Variants in AGAP1 observed in about 807,000 individuals in gnomAD.
AGAP1 encodes the protein arf-GAP with GTPase, ANK repeat and PH domain-containing protein 1.
Under a neutral mutation model 105.3 loss-of-function variants are expected in AGAP1, and 29 were observed. The ratio of observed to expected loss-of-function variants is 0.28; its 90% confidence interval spans 0.21 to 0.38. AGAP1 has a LOEUF of 0.38. Ranked by LOEUF, AGAP1 falls within the 10% of genes least tolerant of loss-of-function variation. The pLI, the probability that AGAP1 is intolerant of heterozygous loss-of-function variation, is 1.00. For synonymous variants in AGAP1, 509 were observed against 485.9 expected, an observed-to-expected ratio of 1.05 and a Z score of -0.63; for missense variants, 998 against 1,165.1, an observed-to-expected ratio of 0.86 and a Z score of 2.09.
intron 1 of AGAP1, among the ~76,000 whole-genome samples, chr2:235,687,130 C>T (rs554517619): frequency 1.3e-5 from 2 of 152,244 alleles, no homozygotes; most frequent in African/African-American, 2.4e-5. Context: ...TCAGTTTCCT[C>T]GTATGTCCAA....
intron 1 of AGAP1, among the ~76,000 whole-genome samples, chr2:235,530,810 G>A (rs1454913016): frequency 1.3e-5 from 2 of 152,184 alleles, no homozygotes; most frequent in Non-Finnish European, 2.9e-5. Flanking sequence ...AGTCACAGTT[G>A]CAGGTTCTGG....
intron 1 of AGAP1, among the ~76,000 whole-genome samples, chr2:235,708,526 G>A (rs1950664751): frequency 6.6e-6 from 1 of 152,138 alleles, no homozygotes; most frequent in African/African-American, 2.4e-5. Flanking sequence ...ATGGAGCTTA[G>A]GAGTCCTCCA....
intron 11 of AGAP1, among the ~76,000 whole-genome samples, chr2:235,914,960 T>C (rs1029361274): frequency 6.6e-6 from 1 of 152,110 alleles, no homozygotes; most frequent in Non-Finnish European, 1.5e-5. Flanking sequence ...ACAGAGATGA[T>C]TGTGAAACTC....
rs141320274 is a variant in AGAP1 at position 235,753,548 on chromosome 2, T to A, written c.673+3060T>A. 2.0e-5 allele frequency among the ~76,000 whole-genome samples: 3 copies of A among 151,924 alleles called. No individual in the cohort carries two copies. Among genetic ancestry groups the A allele is most frequent in the Non-Finnish European group, 4.4e-5 (3 of 67,986 alleles). ...GGCGAAATCCCATCTCTACTAAAAT[T>A]GCAAAAAATTAGCCGGGCATGGTGG... On this transcript the variant is annotated intron_variant, in intron 6 of 17. Transcript: ENST00000304032. This position sits in a 1 kb window ranked among gnomAD's most constrained non-coding sequence, Gnocchi z 4.5.
At position 235,734,779 on chromosome 2, in the gene AGAP1, T is replaced by C. The variant is rs1187924179; in HGVS notation, c.311-6184T>C. 6.6e-6 allele frequency among the ~76,000 whole-genome samples: 1 copy of C among 152,186 alleles called. No individual in the cohort carries two copies. The highest frequency in any genetic ancestry group is 1.5e-5 in the Non-Finnish European group (1 of 68,024). On this transcript the variant is annotated intron_variant, in intron 3 of 17. Coordinates refer to ENST00000304032, the MANE Select transcript of AGAP1 (RefSeq NM_001037131.3). This position sits in a 1 kb window ranked among gnomAD's most constrained non-coding sequence, Gnocchi z 5.3. ...CAGCAAACACGGAGGCTGCCGGCTTTGTTTCTGTAGGGCTTGTCTTAGCAG... is the reference window on the plus strand; with the variant it reads ...CAGCAAACACGGAGGCTGCCGGCTTCGTTTCTGTAGGGCTTGTCTTAGCAG...
chr2:236,038,847 G>A lies in AGAP1; in HGVS notation c.1801-1904G>A, dbSNP rs1275425686. Among the ~76,000 whole-genome samples, 1 of 147,632 alleles carries A rather than the reference G, an allele frequency of 6.8e-6. No homozygotes were observed. Among genetic ancestry groups the A allele is most frequent in the Non-Finnish European group, 1.5e-5 (1 of 67,222 alleles). On this transcript the variant is annotated intron_variant, in intron 14 of 17. Transcript: ENST00000304032. This position sits in a 1 kb window ranked among gnomAD's most constrained non-coding sequence, Gnocchi z 4.5. ...TGTGTGTGTGTGTGTGTGTGTGTGTGTGATCACACACTTGCATTCCAGATG... is the reference window on the plus strand; with the variant it reads ...TGTGTGTGTGTGTGTGTGTGTGTGTATGATCACACACTTGCATTCCAGATG...
At position 235,979,837 on chromosome 2, in the gene AGAP1, A is replaced by G. The variant is rs188418470; in HGVS notation, c.1645+11214A>G. Among the ~76,000 whole-genome samples the G allele has an allele frequency of 6.6e-6, 1 of 152,288 alleles. No individual in the cohort carries two copies. The highest frequency in any genetic ancestry group is 2.4e-5 in the African/African-American group (1 of 41,552). On this transcript the variant is annotated intron_variant, in intron 13 of 17. Transcript: ENST00000304032. The surrounding 1 kb of genome is among the most constrained non-coding windows in gnomAD (Gnocchi z 4.5). ...TTTAAGTGGAAAAAAGCAAAGGAAA[A>G]ATGTTTTAGTTTTCTCTTAAGCTGA...
At chr2:235,588,149 G>C (rs1945190386) in intron 1 of AGAP1, among the ~76,000 whole-genome samples, 1 of 151,296 alleles carries the variant, frequency 6.6e-6, no homozygotes, top group Non-Finnish European at 1.5e-5. Flanking sequence ...AGAATTGCTT[G>C]AACCCGAGAG....
intron 8 of AGAP1, among the ~76,000 whole-genome samples, chr2:235,804,318 A>T (rs1471217278): frequency 6.6e-6 from 1 of 152,224 alleles, no homozygotes; most frequent in Non-Finnish European, 1.5e-5. Context: ...AGCTTACCAT[A>T]TAATGTTGAT....
chr2:235,766,232 T>G (rs1559458002), intron 6 of AGAP1, among the ~76,000 whole-genome samples: 1 of 152,224 alleles, frequency 6.6e-6, no homozygotes, highest in African/African-American at 2.4e-5. Context: ...TCGATTATTT[T>G]TATAAGCTAA....
intron 16 of AGAP1, among the ~76,000 whole-genome samples, chr2:236,110,035 TC>T (rs2125932751): frequency 6.6e-6 from 1 of 152,328 alleles, no homozygotes; most frequent in African/African-American, 2.4e-5. Flanking sequence ...AGGCATCAGA[TC>T]CCTGAGCAAG....
intron 15 of AGAP1, among the ~76,000 whole-genome samples, chr2:236,047,594 A>ATTTTTTTTTTTTT (rs2057759642): frequency 1.1e-5 from 1 of 92,482 alleles, no homozygotes; most frequent in Non-Finnish European, 2.0e-5. Context: ...CTCTTCTCAC[A>ATTTTTTTTTTTTT]TTTCTTTTTT....
intron 1 of AGAP1, among the ~76,000 whole-genome samples, chr2:235,669,368 T>A (rs993065580): frequency 1.3e-5 from 2 of 152,134 alleles, no homozygotes; most frequent in Non-Finnish European, 2.9e-5. Context: ...CCCCTCGTTT[T>A]GTTCTTGCAG....
Position 235,797,783 on chromosome 2 carries a change from G to C in AGAP1, c.698G>C (p.Arg233Thr), listed in dbSNP as rs776245591. 1.2e-6 allele frequency: 2 copies of C among 1,614,198 alleles called. No homozygotes were observed. The highest frequency in any genetic ancestry group is 4.5e-5 in the East Asian group (2 of 44,882). The change falls in exon 7 of 18, where the codon AGG becomes ACG. Residue 233 changes from arginine to threonine, a missense_variant. By Grantham distance (71) the Arg-to-Thr change is moderately conservative (BLOSUM62 -1). Around this residue, in one of 3 missense-constraint regions of AGAP1, gnomAD observed 735 missense variants for 833.4 expected, o/e 0.88. Coordinates refer to ENST00000304032, the MANE Select transcript of AGAP1 (RefSeq NM_001037131.3). ...GTTGCCCAGAAGATTGTTGCCACAA[G>C]GAAGAAGCAGCAGCTGTCCATAGGA... ...QDVAQKIVAT[R>T]KKQQLSIGPC...
rs1483961876 is a variant in AGAP1, at chr2:235,574,945, A to C, written c.163+80096A>C. Among the ~76,000 whole-genome samples the C allele has an allele frequency of 6.6e-6, 1 of 152,136 alleles. No individual in the cohort carries two copies. On this transcript the variant is annotated intron_variant, in intron 1 of 17. Coordinates refer to ENST00000304032, the MANE Select transcript of AGAP1 (RefSeq NM_001037131.3). This position sits in a 1 kb window ranked among gnomAD's most constrained non-coding sequence, Gnocchi z 5.0. ...CGACACCAGCCTAGGCAACATGGCA[A>C]AGCCCTGACTCTTCCAAACATACAA...
intron 9 of AGAP1, chr2:235,853,021 A>C: frequency 1.4e-5 from 17 of 1,245,928 alleles, no homozygotes; most frequent in Non-Finnish European, 1.7e-5. Context: ...AAGTTCGGCA[A>C]CTCACAAAAG....
intron 9 of AGAP1, among the ~76,000 whole-genome samples, chr2:235,820,557 C>A (rs906257740): frequency 3.3e-5 from 5 of 152,332 alleles, no homozygotes; most frequent in African/African-American, 1.2e-4. Flanking sequence ...TTTAGTAACA[C>A]CGGACTGTTT....
At position 235,824,086 on chromosome 2, in the gene AGAP1, A is replaced by G. The variant is rs1958944266; in HGVS notation, c.1050+16755A>G. 6.6e-6 allele frequency among the ~76,000 whole-genome samples: 1 copy of G among 152,240 alleles called. No homozygotes were observed. Among genetic ancestry groups the G allele is most frequent in the Non-Finnish European group, 1.5e-5 (1 of 68,040 alleles). ...TCCCAGTATGTAACTTAACTTATAT[A>G]TAACTTAACATTCTGTTTATGTTAA... On this transcript the variant is annotated intron_variant, in intron 9 of 17. Coordinates refer to ENST00000304032, the MANE Select transcript of AGAP1 (RefSeq NM_001037131.3). The surrounding 1 kb of genome is among the most constrained non-coding windows in gnomAD (Gnocchi z 5.2).
chr2:235,722,540 T>G (rs764360202), intron 3 of AGAP1, among the ~76,000 whole-genome samples: 2 of 152,196 alleles, frequency 1.3e-5, no homozygotes, highest in Non-Finnish European at 2.9e-5. Flanking sequence ...CCCCAGTCTC[T>G]GCCTCTGTCA....
Sources: allele counts gnomAD v4.1 joint callset (sites outside exome capture counted in the v4.1 genomes callset), GRCh38; gene constraint gnomAD v4.1.1; regional missense constraint gnomAD v4.1.1; non-coding constraint Gnocchi (gnomAD v3.1); transcripts MANE v1.5; gene names NCBI Gene and HGNC (gene_info 2026-07-23, HGNC 2026-07-21).